The following SEMA4D variants were observed in gnomAD, a reference collection of about 807,000 sequenced individuals.
The protein encoded by SEMA4D is semaphorin-4D.
SEMA4D carries 22 observed loss-of-function variants against 74.8 expected under a neutral mutation model. The observed-to-expected ratio is 0.29, with a 90% CI of 0.21 to 0.42. SEMA4D has a LOEUF of 0.42. SEMA4D is among the 10% of genes least tolerant of loss of function. SEMA4D has a pLI of 1.00. For missense variants in SEMA4D, 937 were observed against 1,118.4 expected (o/e 0.84, Z 2.31); for synonymous variants, 445 against 463.7 (o/e 0.96, Z 0.52).
chr9:89,362,152 A>T, exon 19 of SEMA4D: 1 of 600,034 alleles, frequency 1.7e-6, no homozygotes, highest in Non-Finnish European at 3.0e-6. Flanking sequence ...TGCCAGACAG[A>T]ACTTACTGTC....
intron 2 of SEMA4D, among the ~76,000 whole-genome samples, chr9:89,431,901 T>C (rs1849349326): frequency 6.6e-6 from 1 of 152,190 alleles, no homozygotes. Context: ...AGCCCCTCCC[T>C]TGGCCAGACT....
intron 2 of SEMA4D, among the ~76,000 whole-genome samples, chr9:89,410,669 T>C (rs1358401948): frequency 6.6e-6 from 1 of 151,878 alleles, no homozygotes; most frequent in East Asian, 1.9e-4. Flanking sequence ...ATTAAAGCAG[T>C]AATAAAAAGA....
At chr9:89,432,287 T>G (rs896483351) in intron 2 of SEMA4D, among the ~76,000 whole-genome samples, 9 of 152,234 alleles carry the variant, frequency 5.9e-5, no homozygotes, top group African/African-American at 1.9e-4. Context: ...CAGAATGGAT[T>G]GGGTCATTTT....
intron 1 of SEMA4D, among the ~76,000 whole-genome samples, chr9:89,459,001 T>C (rs1452426021): frequency 6.6e-6 from 1 of 152,202 alleles, no homozygotes; most frequent in African/African-American, 2.4e-5. Context: ...ACACACACTG[T>C]GCATGGTCCT....
At chr9:89,414,158 A>G (rs1024921533) in intron 2 of SEMA4D, among the ~76,000 whole-genome samples, 17 of 152,238 alleles carry the variant, frequency 1.1e-4, no homozygotes, top group Non-Finnish European at 1.9e-4. Context: ...TGCTTCTGCC[A>G]GCAACAGGAT....
In SEMA4D at chr9:89,417,364, G is replaced by A. The variant is rs578248079; in HGVS notation, c.-243-11665C>T. 8.5e-5 allele frequency among the ~76,000 whole-genome samples: 13 copies of A among 152,292 alleles called. No homozygotes were observed. In the South Asian group the frequency reaches 1.4e-3, roughly 17 times the overall value. On this transcript the variant is annotated intron_variant, in intron 2 of 15. Transcript: ENST00000422704. ...CAGTGATGCTGTGCTAATTAAAGCC[G>A]CCCTATCTAATTGGCAAGATGTGCT...
intron 2 of SEMA4D, among the ~76,000 whole-genome samples, chr9:89,443,502 C>T (rs1436940183): frequency 6.6e-6 from 1 of 152,232 alleles, no homozygotes; most frequent in Non-Finnish European, 1.5e-5. Flanking sequence ...TAAAGCACAG[C>T]GTGGACTCCA....
intron 1 of SEMA4D, chr9:89,479,864 T>C (rs1053685817): frequency 2.0e-5 from 3 of 152,692 alleles, no homozygotes; most frequent in Non-Finnish European, 4.4e-5. Context: ...GCTTCCACAG[T>C]GTGGAAGGGG....
In SEMA4D at chr9:89,366,614, T is replaced by C. The variant is rs146843369; in HGVS notation, c.1883-2664A>G. Among the ~76,000 whole-genome samples, 394 of 152,376 alleles carry C rather than the reference T, an allele frequency of 2.6e-3. 2 individuals carry two copies. Among genetic ancestry groups the C allele is most frequent in the African/African-American group, 8.9e-3 (372 of 41,588 alleles). ...AATTCCATGTATCTATCTACAAATA[T>C]AAGTACATATTACATAGATGTACAA... On this transcript the variant is annotated intron_variant, in intron 16 of 18. Coordinates refer to the SEMA4D transcript ENST00000339861.
chr9:89,446,003 C>T (rs1852742223), intron 2 of SEMA4D, among the ~76,000 whole-genome samples: 1 of 152,158 alleles, frequency 6.6e-6, no homozygotes, highest in East Asian at 1.9e-4. Context: ...CAGGCCCTGC[C>T]ATGTGTTCTA....
intron 2 of SEMA4D, chr9:89,450,401 A>T: frequency 1.7e-6 from 2 of 1,189,932 alleles, no homozygotes; most frequent in Non-Finnish European, 2.5e-6. Context: ...TTACTTCAAG[A>T]GCATGTGAAG....
intron 2 of SEMA4D, among the ~76,000 whole-genome samples, chr9:89,443,394 G>A (rs1054495701): frequency 2.6e-5 from 4 of 152,168 alleles, no homozygotes; most frequent in African/African-American, 9.7e-5. Flanking sequence ...TGGCTGCCCT[G>A]TCCACCTTCT....
At chr9:89,439,128 C>T (rs1245579668) in intron 2 of SEMA4D, among the ~76,000 whole-genome samples, 3 of 151,736 alleles carry the variant, frequency 2.0e-5, no homozygotes, top group Admixed American at 2.0e-4. Flanking sequence ...ATTACAGGCA[C>T]CCACCACTAC....
chr9:89,374,241 C>A (rs1235252021), downstream of SEMA4D, among the ~76,000 whole-genome samples: 19 of 152,238 alleles, frequency 1.2e-4, no homozygotes. Flanking sequence ...CTGCCCTCCT[C>A]CCTCAGCTCC....
chr9:89,467,610 C>T (rs1162271089), intron 1 of SEMA4D, among the ~76,000 whole-genome samples: 1 of 150,910 alleles, frequency 6.6e-6, no homozygotes, highest in East Asian at 2.0e-4. Flanking sequence ...CAGCTTACTG[C>T]AACCTCTGCC....
At chr9:89,435,285 C>A (rs1318271457) in intron 2 of SEMA4D, among the ~76,000 whole-genome samples, 2 of 152,230 alleles carry the variant, frequency 1.3e-5, no homozygotes, top group Non-Finnish European at 2.9e-5. Context: ...AAAACCAGTA[C>A]ATTCCATGGG....
chr9:89,495,675 C>G (rs1046316232), intron 1 of SEMA4D, among the ~76,000 whole-genome samples: 1 of 152,146 alleles, frequency 6.6e-6, no homozygotes, highest in Non-Finnish European at 1.5e-5. Context: ...GACAATCAGC[C>G]GACGGCACGT....
At chr9:89,391,216 C>T (rs747989878) in intron 9 of SEMA4D, 48 bp downstream of exon 9, 2 of 1,594,092 alleles carry the variant, frequency 1.3e-6, no homozygotes, top group Non-Finnish European at 1.7e-6. Context: ...TCCAGGCACA[C>T]TATTGCCATG....
chr9:89,444,001 C>G (rs1465218469), intron 2 of SEMA4D, among the ~76,000 whole-genome samples: 1 of 152,218 alleles, frequency 6.6e-6, no homozygotes, highest in African/African-American at 2.4e-5. Context: ...CCTCCCACCA[C>G]GGGCAGAGTC....
Sources: allele counts gnomAD v4.1 joint callset (sites outside exome capture counted in the v4.1 genomes callset), GRCh38; gene constraint gnomAD v4.1.1; transcripts MANE v1.5; gene names NCBI Gene and HGNC (gene_info 2026-07-23, HGNC 2026-07-21).